Variants in PNISR observed in about 807,000 individuals in gnomAD.
The protein encoded by PNISR is PNN interacting serine and arginine rich protein.
PNISR carries 20 observed loss-of-function variants against 93.4 expected under a neutral mutation model. The ratio of observed to expected loss-of-function variants is 0.21; its 90% CI spans 0.15 to 0.31. PNISR has a LOEUF of 0.31. Among genes scored for constraint, PNISR ranks in the 10% least tolerant of loss-of-function variants. The pLI, the probability that PNISR is intolerant of heterozygous loss-of-function variation, is 1.00. For missense variants in PNISR, 893 were observed against 985.4 expected (o/e 0.91, Z 1.25); for synonymous variants, 305 against 306.5 (o/e 0.99, Z 0.05).
Position 99,401,499 on chromosome 6 carries a change from T to C in PNISR, c.1459A>G (p.Asn487Asp). 6.2e-7 allele frequency: 1 copy of C among 1,613,238 alleles called. No homozygotes were observed. Among genetic ancestry groups the C allele is most frequent in the Non-Finnish European group, 8.5e-7 (1 of 1,179,858 alleles). ...GGTTCTAAAACTGATGTGGTTTCAT[T>C]TGGAGTTCTCTTCTTTTCATTAACC... ...DVVNEKKRTP[N>D]ETTSVLEPKK... Residue 487 changes from asparagine (N) to aspartate (D), a missense_variant, in exon 12 of 12, where the codon AAT becomes GAT. Physicochemically the swap from Asn to Asp is conservative, Grantham distance 23. Coordinates refer to ENST00000369239, the MANE Select transcript of PNISR (RefSeq NM_032870.4).
At chr6:99,414,551 A>G in intron 3 of PNISR, 21 bp downstream of exon 3, 1 of 1,338,822 alleles carries the variant, frequency 7.5e-7, no homozygotes. Flanking sequence ...CCGCCCTTTC[A>G]AATTCAATTT....
chr6:99,406,697 A>G (rs1392589545), intron 7 of PNISR, among the ~76,000 whole-genome samples: 1 of 152,204 alleles, frequency 6.6e-6, no homozygotes. Context: ...TTAGCTCATA[A>G]TAAAAAGATA....
chr6:99,402,148 G>C (rs1582761889), intron 11 of PNISR, among the ~76,000 whole-genome samples: 1 of 152,126 alleles, frequency 6.6e-6, no homozygotes, highest in Non-Finnish European at 1.5e-5. Flanking sequence ...TTTCAAAGAA[G>C]AAATTCTAAG....
intron 1 of PNISR, among the ~76,000 whole-genome samples, chr6:99,422,561 T>C (rs1490519516): frequency 6.6e-6 from 1 of 152,184 alleles, no homozygotes; most frequent in Non-Finnish European, 1.5e-5. Context: ...TACTTGCAGC[T>C]TGTAGCTCAA....
chr6:99,405,954 T>C, intron 8 of PNISR, 77 bp downstream of exon 8: 2 of 976,524 alleles, frequency 2.0e-6, no homozygotes, highest in Non-Finnish European at 3.0e-6. Context: ...GTTTCTGTTT[T>C]TTCCTCTAAT....
Position 99,411,402 on chromosome 6 carries a change from C to T in PNISR, c.278-438G>A, listed in dbSNP as rs965530376. Among the ~76,000 whole-genome samples the T allele has an allele frequency of 3.3e-5, 5 of 152,180 alleles. No homozygotes were observed. In the East Asian group the frequency reaches 9.7e-4, roughly 29 times the overall value. On this transcript the variant is annotated intron_variant, in intron 4 of 11. Transcript: ENST00000369239. ...CCAATTTCGGGAGGGAAAATCGAGG[C>T]ACACAGAGGTAAATCACTTGCCCAG...
chr6:99,402,345 A>G (rs1775608717), intron 11 of PNISR, among the ~76,000 whole-genome samples, 195 bp downstream of exon 11: 1 of 152,206 alleles, frequency 6.6e-6, no homozygotes, highest in Non-Finnish European at 1.5e-5. Flanking sequence ...AAAATACCCT[A>G]AATAGCTTGG....
intron 1 of PNISR, among the ~76,000 whole-genome samples, chr6:99,423,497 G>C (rs571571540): frequency 2.0e-5 from 3 of 152,264 alleles, no homozygotes; most frequent in East Asian, 3.9e-4. Flanking sequence ...CTTTACAGTG[G>C]ATAAATCTAA....
chr6:99,414,931 TA>T (rs952682234), intron 2 of PNISR: 5 of 228,302 alleles, frequency 2.2e-5, no homozygotes, highest in East Asian at 8.9e-5. Flanking sequence ...AAAAAGACTT[TA>T]AAAAAAACTC....
intron 5 of PNISR, 94 bp downstream of exon 5, chr6:99,410,647 G>A: frequency 1.2e-6 from 1 of 823,644 alleles, no homozygotes; most frequent in Non-Finnish European, 2.0e-6. Context: ...AGTCTGAAAA[G>A]TGAAACACGT....
intron 9 of PNISR, chr6:99,404,229 G>T: frequency 2.7e-6 from 1 of 366,844 alleles, no homozygotes; most frequent in Non-Finnish European, 5.0e-6. Flanking sequence ...AGAGATAAGT[G>T]GTAAACTAAA....
In PNISR at chr6:99,401,059, G is replaced by A. The variant is rs1262012212; in HGVS notation, c.1899C>T (p.Arg633=). The stretch of plus-strand genomic sequence containing the variant: ...TTTTACGCCTATCTCGACTCCTACT[G>A]CGACTGGCACGATTGGTTCGTCTAT... ...SRDRRTNRAS[R]SRSRDRRKID... is the part of the protein sequence containing the mutation. Residue 633 remains arginine, a synonymous_variant, in exon 12 of 12, where the codon CGC becomes CGT. Transcript: ENST00000369239. The A allele has an allele frequency of 1.3e-5, 21 of 1,613,360 alleles. No homozygotes were observed. Among genetic ancestry groups the A allele is most frequent in the Non-Finnish European group, 1.8e-5 (21 of 1,179,934 alleles).
At chr6:99,418,430 C>A (rs1246688782) in intron 1 of PNISR, among the ~76,000 whole-genome samples, 2 of 148,820 alleles carry the variant, frequency 1.3e-5, no homozygotes, top group East Asian at 4.0e-4. Flanking sequence ...ACCACCGCAC[C>A]CAGCTGAAGC....
chr6:99,411,425 C>A (rs1406553501), intron 4 of PNISR, among the ~76,000 whole-genome samples: 3 of 152,058 alleles, frequency 2.0e-5, no homozygotes, highest in African/African-American at 7.2e-5. Context: ...ATCACTTGCC[C>A]AGGGTCACAA....
chr6:99,405,797 T>G (rs968206817), intron 8 of PNISR, among the ~76,000 whole-genome samples: 1 of 152,122 alleles, frequency 6.6e-6, no homozygotes, highest in African/African-American at 2.4e-5. Flanking sequence ...ACTCAAGCAA[T>G]CCTCCTGCCT....
At chr6:99,422,846 C>T (rs929255554) in intron 1 of PNISR, among the ~76,000 whole-genome samples, 3 of 132,404 alleles carry the variant, frequency 2.3e-5, no homozygotes, top group African/African-American at 8.7e-5. Context: ...CACTGCACTC[C>T]GGTCTGGGAA....
intron 10 of PNISR, 120 bp downstream of exon 10, chr6:99,403,709 A>G: frequency 3.2e-6 from 2 of 633,490 alleles, no homozygotes; most frequent in Non-Finnish European, 5.3e-6. Flanking sequence ...ACATAACCCT[A>G]AGACCTAGGT....
intron 11 of PNISR, 139 bp from the exon 12 acceptor site, chr6:99,401,769 A>G (rs1775532189): frequency 1.8e-6 from 1 of 546,548 alleles, no homozygotes; most frequent in Admixed American, 4.0e-5. Flanking sequence ...GTAATTCAAA[A>G]TTTTTTAGTA....
Position 99,417,895 on chromosome 6 carries a change from G to C in PNISR, c.-111-1467C>G, listed in dbSNP as rs1394069163. On this transcript the variant is annotated intron_variant, in intron 1 of 11. Transcript: ENST00000369239. Reference sequence around the variant, plus strand: ...AGACAGGAGAATTGCTTGAATCTGGGAGGCGGAGGTTGCAGTGAGCCGAGA... The same window carrying C: ...AGACAGGAGAATTGCTTGAATCTGGCAGGCGGAGGTTGCAGTGAGCCGAGA... 4.6e-5 allele frequency among the ~76,000 whole-genome samples: 7 copies of C among 150,708 alleles called. No homozygotes were observed. In the South Asian group the frequency reaches 1.5e-3, roughly 32 times the overall value.
Sources: allele counts gnomAD v4.1 joint callset (sites outside exome capture counted in the v4.1 genomes callset), GRCh38; gene constraint gnomAD v4.1.1; transcripts MANE v1.5; gene names NCBI Gene and HGNC (gene_info 2026-07-23, HGNC 2026-07-21).